B3GALT1: variants seen among roughly 807,000 people sequenced by gnomAD.
B3GALT1 encodes UDP-Gal:betaGlcNAc beta 1,3-galactosyltransferase, polypeptide 1.
In B3GALT1, 10 loss-of-function variants were observed where a neutral mutation model predicts 23.2. That is an observed-to-expected ratio of 0.43 (90% CI 0.27 to 0.73). The LOEUF is 0.73. Ranked by LOEUF, B3GALT1 falls within the 30% of genes least tolerant of loss-of-function variation. The pLI, the probability that B3GALT1 is intolerant of heterozygous loss-of-function variation, is 0.21. For synonymous variants in B3GALT1, 156 were observed against 141.5 expected, an observed-to-expected ratio of 1.10 and a Z score of -0.73; for missense variants, 299 against 405.4, an observed-to-expected ratio of 0.74 and a Z score of 2.25.
chr2:167,779,980 A>G (rs1464100945), intron 3 of B3GALT1, among the ~76,000 whole-genome samples: 2 of 152,224 alleles, frequency 1.3e-5, no homozygotes, highest in Non-Finnish European at 1.5e-5. Context: ...GTCAATGTGA[A>G]TGTTAGAAAG....
At chr2:167,510,349 A>G (rs1699986976) in intron 2 of B3GALT1, among the ~76,000 whole-genome samples, 1 of 151,250 alleles carries the variant, frequency 6.6e-6, no homozygotes, top group Non-Finnish European at 1.5e-5. Flanking sequence ...TTTTAATTAC[A>G]TAATTTATGT....
intron 2 of B3GALT1, among the ~76,000 whole-genome samples, chr2:167,622,477 A>G (rs915891584): frequency 2.0e-5 from 3 of 152,082 alleles, no homozygotes; most frequent in African/African-American, 7.2e-5. Flanking sequence ...TGATGCCACC[A>G]TCTAATGACC....
At chr2:167,498,222 C>T (rs1455880400) in intron 2 of B3GALT1, among the ~76,000 whole-genome samples, 1 of 152,106 alleles carries the variant, frequency 6.6e-6, no homozygotes, top group Admixed American at 6.6e-5. Flanking sequence ...ATCACCAAAG[C>T]TTGTGCTTTA....
intron 1 of B3GALT1, among the ~76,000 whole-genome samples, chr2:167,334,994 C>T (rs1192865543): frequency 6.6e-6 from 1 of 152,130 alleles, no homozygotes; most frequent in African/African-American, 2.4e-5. Context: ...TGAAGCTGTA[C>T]TACTATTACT....
intron 2 of B3GALT1, among the ~76,000 whole-genome samples, chr2:167,518,939 A>T (rs1700142833): frequency 6.6e-6 from 1 of 152,238 alleles, no homozygotes; most frequent in South Asian, 2.1e-4. Flanking sequence ...AATTAGTCTT[A>T]CGTGGAAGAA....
intron 3 of B3GALT1, among the ~76,000 whole-genome samples, chr2:167,665,597 C>G (rs898111822): frequency 1.3e-4 from 20 of 151,588 alleles, no homozygotes; most frequent in African/African-American, 3.1e-4. Flanking sequence ...TGGTCCTGGA[C>G]TCTTTTTGGT....
At chr2:167,556,122 T>A (rs1683844941) in intron 2 of B3GALT1, among the ~76,000 whole-genome samples, 1 of 152,118 alleles carries the variant, frequency 6.6e-6, no homozygotes, top group South Asian at 2.1e-4. Context: ...GCATCACATT[T>A]TCAATGGTAA....
intron 2 of B3GALT1, among the ~76,000 whole-genome samples, chr2:167,622,235 T>G (rs939935646): frequency 4.6e-5 from 7 of 152,018 alleles, no homozygotes; most frequent in African/African-American, 1.4e-4. Flanking sequence ...CCCCTCTGCT[T>G]GGGAAAAGTC....
chr2:167,380,069 A>G (rs1409471553), intron 1 of B3GALT1, among the ~76,000 whole-genome samples: 7 of 152,152 alleles, frequency 4.6e-5, no homozygotes, highest in Admixed American at 3.3e-4. Flanking sequence ...CTGCAGCATG[A>G]TCTATGTCCA....
At chr2:167,694,955 T>C (rs995303297) in intron 3 of B3GALT1, among the ~76,000 whole-genome samples, 20 of 152,158 alleles carry the variant, frequency 1.3e-4, no homozygotes, top group African/African-American at 4.8e-4. Context: ...AAAACTCTTT[T>C]AAGTATTACC....
Position 167,356,163 on chromosome 2 carries a change from A to G in B3GALT1, c.-511+62829A>G, listed in dbSNP as rs139108105. Among the ~76,000 whole-genome samples, 68 of 152,322 alleles carry G rather than the reference A, an allele frequency of 4.5e-4. No individual in the cohort carries two copies. In the East Asian group the frequency reaches 0.013, roughly 29 times the overall value. On this transcript the variant is annotated intron_variant, in intron 1 of 4. Coordinates refer to ENST00000392690, the MANE Select transcript of B3GALT1 (RefSeq NM_020981.4). ...CTGCTCACTGCAGGAACTGCTCTTGATTAGGTGGTAGGTTGATACTTCATT... is the reference window on the plus strand; with the variant it reads ...CTGCTCACTGCAGGAACTGCTCTTGGTTAGGTGGTAGGTTGATACTTCATT...
chr2:167,755,081 T>C (rs1399913318), intron 3 of B3GALT1, among the ~76,000 whole-genome samples: 1 of 152,172 alleles, frequency 6.6e-6, no homozygotes, highest in Non-Finnish European at 1.5e-5. Context: ...GCCCCCAGTT[T>C]CAAACAGATT....
chr2:167,570,693 T>G (rs974922955), intron 2 of B3GALT1, among the ~76,000 whole-genome samples: 35 of 151,958 alleles, frequency 2.3e-4, no homozygotes, highest in Admixed American at 1.9e-3. Context: ...TGTCCTTTAG[T>G]TTTTTTCTTT....
At chr2:167,844,923 T>C (rs1365847874) in intron 4 of B3GALT1, among the ~76,000 whole-genome samples, 7 of 152,128 alleles carry the variant, frequency 4.6e-5, no homozygotes, top group Non-Finnish European at 1.0e-4. Context: ...GGAGTGTGAC[T>C]GGCCCTTTGG....
intron 3 of B3GALT1, among the ~76,000 whole-genome samples, chr2:167,805,688 T>G (rs1417920671): frequency 6.6e-6 from 1 of 152,224 alleles, no homozygotes; most frequent in Non-Finnish European, 1.5e-5. Context: ...TTGATCTATA[T>G]CTCTGTTTTG....
chr2:167,795,142 C>G (rs911323851), intron 3 of B3GALT1, among the ~76,000 whole-genome samples: 8 of 152,026 alleles, frequency 5.3e-5, no homozygotes, highest in Admixed American at 4.6e-4. Context: ...AACTCAGCTG[C>G]CCTTTGCTTT....
chr2:167,596,461 A>G (rs1299572295), intron 2 of B3GALT1, among the ~76,000 whole-genome samples: 1 of 152,214 alleles, frequency 6.6e-6, no homozygotes, highest in Non-Finnish European at 1.5e-5. Flanking sequence ...AGGTACCTAC[A>G]TTCCAAGTCT....
intron 2 of B3GALT1, among the ~76,000 whole-genome samples, chr2:167,524,418 A>G (rs779278454): frequency 6.6e-6 from 1 of 152,192 alleles, no homozygotes; most frequent in Non-Finnish European, 1.5e-5. Context: ...CAGGGTAAAT[A>G]ATTCCTTTCC....
At chr2:167,739,315 C>G (rs370512920) in intron 3 of B3GALT1, among the ~76,000 whole-genome samples, 12 of 152,116 alleles carry the variant, frequency 7.9e-5, no homozygotes, top group Admixed American at 2.0e-4. Flanking sequence ...TTAAATAATC[C>G]CTCAGATGAA....
Sources: gnomAD v4.1 joint callset for allele counts (sites outside exome capture counted in the v4.1 genomes callset) on GRCh38, gnomAD v4.1.1 for gene constraint, MANE v1.5 for transcripts, NCBI Gene and HGNC (gene_info 2026-07-23, HGNC 2026-07-21) for gene names.